The following DOK5 variants were observed in gnomAD, a reference collection of about 807,000 sequenced individuals.
The protein encoded by DOK5 is downstream of tyrosine kinase 5.
Under a neutral mutation model 43.3 loss-of-function variants are expected in DOK5, and 27 were observed. The ratio of observed to expected loss-of-function variants is 0.62; its 90% confidence interval spans 0.46 to 0.86. DOK5 has a LOEUF of 0.86. DOK5 is among the 40% of genes least tolerant of loss of function. DOK5 has a pLI of 0.00. For synonymous variants in DOK5, 146 were observed against 140.1 expected, an observed-to-expected ratio of 1.04 and a Z score of -0.30; for missense variants, 373 against 392.9, an observed-to-expected ratio of 0.95 and a Z score of 0.43.
At chr20:54,501,423 C>G (rs536243057) in intron 1 of DOK5, among the ~76,000 whole-genome samples, 1 of 127,126 alleles carries the variant, frequency 7.9e-6, no homozygotes, top group African/African-American at 3.1e-5. Flanking sequence ...GCCGAGATTG[C>G]GGCACTGCAC....
chr20:54,475,915 T>C lies in DOK5; in HGVS notation c.-32T>C, dbSNP rs1236597253. On this transcript the variant is annotated 5_prime_UTR_variant, in exon 1 of 8. Transcript: ENST00000262593. This position sits in a 1 kb window ranked among gnomAD's most constrained non-coding sequence, Gnocchi z 4.2. ...CCAGAGCCACTTCGGGTGCGCGCTC[T>C]TGGGTAAAGGGGGGGTCACCGGCTG... The C allele has an allele frequency of 1.9e-6, 3 of 1,609,470 alleles. No homozygotes were observed. The highest frequency in any genetic ancestry group is 2.5e-6 in the Non-Finnish European group (3 of 1,178,926).
chr20:54,544,216 T>A (rs891674556), intron 1 of DOK5, among the ~76,000 whole-genome samples: 2 of 152,250 alleles, frequency 1.3e-5, no homozygotes, highest in African/African-American at 4.8e-5. Flanking sequence ...AAATTGGCTT[T>A]TCTTTCCTTA....
chr20:54,550,382 T>C (rs1984489225), intron 1 of DOK5, among the ~76,000 whole-genome samples: 1 of 152,216 alleles, frequency 6.6e-6, no homozygotes, highest in Non-Finnish European at 1.5e-5. Context: ...CTACTCAGTT[T>C]CTCTGGTAGT....
At chr20:54,599,728 G>C (rs1381709821) in intron 5 of DOK5, among the ~76,000 whole-genome samples, 1 of 152,180 alleles carries the variant, frequency 6.6e-6, no homozygotes, top group Admixed American at 6.5e-5. Flanking sequence ...TGGCCCACTG[G>C]TGTTTGTGAT....
chr20:54,548,229 T>A (rs1368931325), intron 1 of DOK5, among the ~76,000 whole-genome samples: 6 of 149,326 alleles, frequency 4.0e-5, no homozygotes, highest in South Asian at 4.2e-4. Context: ...ATTACCTATC[T>A]TTTATTTATT....
intron 2 of DOK5, among the ~76,000 whole-genome samples, chr20:54,572,327 A>C (rs933653942): frequency 6.6e-6 from 1 of 151,898 alleles, no homozygotes; most frequent in African/African-American, 2.4e-5. Flanking sequence ...CGCCCGGCTA[A>C]TTTTTTGTAT....
intron 1 of DOK5, among the ~76,000 whole-genome samples, chr20:54,478,851 G>T (rs1568745034): frequency 6.6e-6 from 1 of 152,160 alleles, no homozygotes; most frequent in East Asian, 1.9e-4. Context: ...AATCAAAGAT[G>T]AGTTAGGATT....
chr20:54,627,741 GTT>G (rs1411034975), intron 6 of DOK5, among the ~76,000 whole-genome samples: 3 of 152,186 alleles, frequency 2.0e-5, no homozygotes, highest in Non-Finnish European at 4.4e-5. Context: ...CCACTTGAGT[GTT>G]TTAACAGGCC....
chr20:54,592,724 G>T (rs1158963411), intron 5 of DOK5, among the ~76,000 whole-genome samples: 1 of 151,948 alleles, frequency 6.6e-6, no homozygotes, highest in Non-Finnish European at 1.5e-5. Context: ...TGTATTTTCA[G>T]TAGAGATGGG....
At chr20:54,513,372 A>G (rs184643806) in intron 1 of DOK5, among the ~76,000 whole-genome samples, 81 of 151,930 alleles carry the variant, frequency 5.3e-4, no homozygotes, top group Middle Eastern at 3.4e-3. Flanking sequence ...TCCAATTTTT[A>G]AAAACAAAAT....
At chr20:54,501,466 C>CAAAA (rs76224592) in intron 1 of DOK5, among the ~76,000 whole-genome samples, 6 of 19,428 alleles carry the variant, frequency 3.1e-4, no homozygotes, top group African/African-American at 4.3e-4. Flanking sequence ...GACTCACTCT[C>CAAAA]AAAAAAAAAA....
chr20:54,602,199 C>G (rs771903026), intron 5 of DOK5, among the ~76,000 whole-genome samples: 2 of 152,160 alleles, frequency 1.3e-5, no homozygotes, highest in African/African-American at 2.4e-5. Flanking sequence ...TATTTGATGC[C>G]GGATCCTTTG....
At chr20:54,619,923 GT>G (rs1356892115) in intron 6 of DOK5, among the ~76,000 whole-genome samples, 1 of 152,184 alleles carries the variant, frequency 6.6e-6, no homozygotes, top group Non-Finnish European at 1.5e-5. Context: ...GCATGGTGGA[GT>G]TTTATGTGTG....
chr20:54,546,252 G>T (rs945017412), intron 1 of DOK5, among the ~76,000 whole-genome samples: 1 of 152,204 alleles, frequency 6.6e-6, no homozygotes, highest in East Asian at 1.9e-4. Flanking sequence ...ATTCCACAGT[G>T]CGCAGAAAAA....
chr20:54,554,319 A>C (rs1193052919), intron 1 of DOK5, among the ~76,000 whole-genome samples: 1 of 152,254 alleles, frequency 6.6e-6, no homozygotes, highest in East Asian at 1.9e-4. Flanking sequence ...GTGATTCAAC[A>C]TGGCCAACAA....
At chr20:54,481,131 CATCTATCTATCTATCTATCT>C (rs58563329) in intron 1 of DOK5, among the ~76,000 whole-genome samples, 8 of 139,476 alleles carry the variant, frequency 5.7e-5, no homozygotes, top group Admixed American at 1.4e-4. Context: ...ATGTATCTAT[CATCTATCTATCTATCTATCT>C]ATCTATCTAT....
At chr20:54,489,346 A>G (rs1171633436) in intron 1 of DOK5, among the ~76,000 whole-genome samples, 1 of 152,112 alleles carries the variant, frequency 6.6e-6, no homozygotes, top group Non-Finnish European at 1.5e-5. Context: ...CTTTTTCAGA[A>G]GCAACCACTG....
At chr20:54,617,832 G>A (rs1038256369) in intron 6 of DOK5, among the ~76,000 whole-genome samples, 4 of 152,220 alleles carry the variant, frequency 2.6e-5, no homozygotes, top group East Asian at 3.9e-4. Context: ...CTAGTAATAC[G>A]ATGTATTTAT....
chr20:54,521,568 C>T (rs1983397699), intron 1 of DOK5, among the ~76,000 whole-genome samples: 1 of 152,168 alleles, frequency 6.6e-6, no homozygotes, highest in South Asian at 2.1e-4. Context: ...ATGTGAGGAG[C>T]TTCTGTGTCC....
Sources: allele counts gnomAD v4.1 joint callset (sites outside exome capture counted in the v4.1 genomes callset), GRCh38; gene constraint gnomAD v4.1.1; non-coding constraint Gnocchi (gnomAD v3.1); transcripts MANE v1.5; gene names NCBI Gene and HGNC (gene_info 2026-07-23, HGNC 2026-07-21).